ZNF649: variants seen among roughly 807,000 people sequenced by gnomAD.
ZNF649 encodes the protein zinc finger protein 649.
A neutral mutation model predicts 14.1 loss-of-function variants in ZNF649; 7 were observed. The observed-to-expected ratio is 0.49, with a 90% CI of 0.28 to 0.93. The LOEUF is 0.93. Ranked by LOEUF, ZNF649 falls within the 40% of genes least tolerant of loss-of-function variation. ZNF649 has a pLI of 0.10. For missense variants in ZNF649, 544 were observed against 608.1 expected (o/e 0.89, Z 1.11); for synonymous variants, 227 against 212.3 (o/e 1.07, Z -0.60).
intron 3 of ZNF649, 46 bp downstream of exon 3, chr19:51,896,806 C>G: frequency 6.2e-7 from 1 of 1,614,078 alleles, no homozygotes; most frequent in South Asian, 1.1e-5. Context: ...AAAGCAAAGG[C>G]CACTGACTGG....
chr19:51,896,416 A>ATTCCTATAAGAAAAAGAGCTCTTGTATCC, intron 4 of ZNF649, 56 bp downstream of exon 4: 1 of 1,504,414 alleles, frequency 6.6e-7, no homozygotes, highest in Non-Finnish European at 9.3e-7. Flanking sequence ...CCTTCTCTAA[A>ATTCCTATAAGAAAAAGAGCTCTTGTATCC]TGACCAGAAT....
At chr19:51,900,843 G>A (rs1352634666) in intron 1 of ZNF649, among the ~76,000 whole-genome samples, 1 of 152,162 alleles carries the variant, frequency 6.6e-6, no homozygotes, top group Non-Finnish European at 1.5e-5. Context: ...AGGGGAGACA[G>A]GTGAATGAAT....
intron 4 of ZNF649, chr19:51,896,266 A>G (rs1399259416): frequency 7.0e-6 from 3 of 428,172 alleles, no homozygotes; most frequent in South Asian, 3.9e-5. Flanking sequence ...GAAGAAATGA[A>G]TAGGGATCAG....
At chr19:51,898,882 C>G (rs2085079696) in intron 2 of ZNF649, among the ~76,000 whole-genome samples, 1 of 151,928 alleles carries the variant, frequency 6.6e-6, no homozygotes, top group African/African-American at 2.4e-5. Flanking sequence ...CACTGCACTC[C>G]AGCCTGGCAA....
chr19:51,898,353 GC>G, intron 2 of ZNF649, among the ~76,000 whole-genome samples: 1 of 152,112 alleles, frequency 6.6e-6, no homozygotes, highest in East Asian at 1.9e-4. Flanking sequence ...ACTGGAGGTT[GC>G]CACAACCTCC....
At chr19:51,902,213 T>C (rs1483558933) in intron 1 of ZNF649, among the ~76,000 whole-genome samples, 1 of 152,186 alleles carries the variant, frequency 6.6e-6, no homozygotes, top group Non-Finnish European at 1.5e-5. Context: ...TGTTTATAAA[T>C]TATCCAGTCT....
chr19:51,902,833 G>A (rs537489324), intron 1 of ZNF649, among the ~76,000 whole-genome samples: 8 of 152,264 alleles, frequency 5.3e-5, no homozygotes, highest in Admixed American at 2.0e-4. Context: ...TTCAGTGATC[G>A]AGAACTACTA....
rs116644247 is a variant in ZNF649 at position 51,902,428 on chromosome 19, G to A, written c.-187-2134C>T. On this transcript the variant is annotated intron_variant, in intron 1 of 4. Coordinates refer to ENST00000354957, the MANE Select transcript of ZNF649 (RefSeq NM_023074.4). Reference sequence around the variant, plus strand: ...ACCAGCTATAAATCAGGATTCACACGGCCTCCTCCTCAGGTTCGATTAATT... The same window carrying A: ...ACCAGCTATAAATCAGGATTCACACAGCCTCCTCCTCAGGTTCGATTAATT... 9.1e-3 allele frequency among the ~76,000 whole-genome samples: 1,379 copies of A among 152,226 alleles called. 24 individuals are homozygous for A. Among genetic ancestry groups the A allele is most frequent in the African/African-American group, 0.031 (1,291 of 41,526 alleles).
At chr19:51,902,001 T>TA (rs1599890328) in intron 1 of ZNF649, among the ~76,000 whole-genome samples, 1 of 109,596 alleles carries the variant, frequency 9.1e-6, no homozygotes, top group East Asian at 2.6e-4. Flanking sequence ...ATAATAAAAA[T>TA]AAAAGAGGCT....
chr19:51,898,970 G>T (rs904522425), intron 2 of ZNF649, among the ~76,000 whole-genome samples: 8 of 152,020 alleles, frequency 5.3e-5, no homozygotes, highest in Non-Finnish European at 1.2e-4. Flanking sequence ...GAATCTGGAG[G>T]TCGGGGGTGG....
chr19:51,898,045 C>T (rs573072692), intron 2 of ZNF649, among the ~76,000 whole-genome samples: 8 of 139,622 alleles, frequency 5.7e-5, no homozygotes, highest in African/African-American at 1.4e-4. Context: ...TTGCAGTGAG[C>T]GAAGATCACG....
chr19:51,898,405 T>C (rs766267980), intron 2 of ZNF649, among the ~76,000 whole-genome samples: 1 of 152,100 alleles, frequency 6.6e-6, no homozygotes, highest in Admixed American at 6.5e-5. Flanking sequence ...CTCACAGAAC[T>C]CAGGAAAATG....
At position 51,891,026 on chromosome 19, in the gene ZNF649, T is replaced by C. The variant is rs771988339; in HGVS notation, c.1110A>G (p.Gly370=). 2 of 1,614,214 alleles carry C rather than the reference T, an allele frequency of 1.2e-6. No individual in the cohort carries two copies. The highest frequency in any genetic ancestry group is 1.7e-6 in the Non-Finnish European group (2 of 1,180,046). ...CLVAHQRYHT[G]KTPFVCPECG... ...ATTCAGGACATACAAAGGGAGTCTT[T>C]CCTGTATGATATCTCTGATGTGCTA... The change falls in exon 5 of 5, where the codon GGA becomes GGG. Residue 370 remains glycine, a synonymous_variant. Transcript: ENST00000354957. The surrounding 1 kb of genome is among the most constrained non-coding windows in gnomAD (Gnocchi z 4.2).
intron 2 of ZNF649, 46 bp from the exon 3 acceptor site, chr19:51,897,024 T>A (rs767757812): frequency 6.2e-7 from 1 of 1,611,770 alleles, no homozygotes; most frequent in Admixed American, 1.7e-5. Flanking sequence ...TTTATTGACA[T>A]GGAAGAAATA....
At chr19:51,893,917 A>G (rs891927264) in intron 4 of ZNF649, among the ~76,000 whole-genome samples, 13 of 152,162 alleles carry the variant, frequency 8.5e-5, no homozygotes, top group Admixed American at 3.9e-4. Context: ...TAGTACTGCC[A>G]CCAGGTGAAA....
At chr19:51,902,716 C>A (rs2085101461) in intron 1 of ZNF649, among the ~76,000 whole-genome samples, 1 of 151,618 alleles carries the variant, frequency 6.6e-6, no homozygotes, top group Non-Finnish European at 1.5e-5. Flanking sequence ...TCAGAATTCT[C>A]GATTTGGTAA....
chr19:51,890,461 G>A lies in ZNF649; in HGVS notation c.*157C>T. 1.8e-6 allele frequency: 1 copy of A among 566,290 alleles called. No homozygotes were observed. The highest frequency in any genetic ancestry group is 3.1e-6 in the Non-Finnish European group (1 of 325,414). The allele number at this position is 566,290 out of a possible 1,614,324, so 35.1% of individuals were successfully genotyped here. ...ATAGTAAATGAAAAACAATATTGTG[G>A]GAGGGGTAGTGAGGTTTATAAGATA... On this transcript the variant is annotated 3_prime_UTR_variant, in exon 5 of 5. Coordinates refer to ENST00000354957, the MANE Select transcript of ZNF649 (RefSeq NM_023074.4).
chr19:51,902,512 C>A (rs896143583), intron 1 of ZNF649, among the ~76,000 whole-genome samples: 7 of 152,224 alleles, frequency 4.6e-5, no homozygotes, highest in African/African-American at 1.7e-4. Flanking sequence ...TATTTCAACT[C>A]TTTTCCTGTC....
In ZNF649 at chr19:51,890,472, G is replaced by A. The variant is rs2085011460; in HGVS notation, c.*146C>T. On this transcript the variant is annotated 3_prime_UTR_variant, in exon 5 of 5. Coordinates refer to ENST00000354957, the MANE Select transcript of ZNF649 (RefSeq NM_023074.4). ...AAAACAATATTGTGGGAGGGGTAGT[G>A]AGGTTTATAAGATATAAAAAAGTAA... The A allele has an allele frequency of 1.7e-6, 1 of 582,930 alleles. No individual in the cohort carries two copies. The highest frequency in any genetic ancestry group is 3.0e-6 in the Non-Finnish European group (1 of 335,438). 36.1% of individuals were successfully genotyped at this position (582,930 alleles called of 1,614,324 possible).
Sources: gnomAD v4.1 joint callset for allele counts (sites outside exome capture counted in the v4.1 genomes callset) on GRCh38, gnomAD v4.1.1 for gene constraint, Gnocchi (gnomAD v3.1) non-coding constraint, MANE v1.5 for transcripts, NCBI Gene and HGNC (gene_info 2026-07-23, HGNC 2026-07-21) for gene names.